Variants in SCARF1 observed in about 807,000 individuals in gnomAD.
SCARF1 encodes the protein acetyl LDL receptor.
In SCARF1, 49 loss-of-function variants were observed where a neutral mutation model predicts 76.3. The ratio of observed to expected loss-of-function variants is 0.64; its 90% CI spans 0.51 to 0.81. SCARF1 has a LOEUF of 0.81. Among genes scored for constraint, SCARF1 ranks in the 40% least tolerant of loss-of-function variants. SCARF1 has a pLI of 0.00. For synonymous variants in SCARF1, 495 were observed against 474.6 expected (o/e 1.04, Z -0.56); for missense variants, 1,098 against 1,143.9 (o/e 0.96, Z 0.58).
intron 7 of SCARF1, 113 bp downstream of exon 7, chr17:1,639,526 A>T: frequency 1.4e-6 from 1 of 701,168 alleles, no homozygotes; most frequent in Non-Finnish European, 2.4e-6. Context: ...AAAAAAAAAA[A>T]AGAATATCTC....
At chr17:1,641,482 T>C (rs1910043452) in intron 4 of SCARF1, among the ~76,000 whole-genome samples, 1 of 152,236 alleles carries the variant, frequency 6.6e-6, no homozygotes, top group Admixed American at 6.5e-5. Context: ...AAAAATTGTC[T>C]GCCATGAAAC....
chr17:1,636,909 A>G (rs780259795), intron 9 of SCARF1, 32 bp downstream of exon 9: 12 of 1,614,028 alleles, frequency 7.4e-6, no homozygotes, highest in African/African-American at 1.3e-5. Context: ...GCCCTGTCCA[A>G]TCCCAGACCC....
chr17:1,639,881 A>G (rs1909888335), intron 6 of SCARF1, 31 bp downstream of exon 6: 1 of 1,611,080 alleles, frequency 6.2e-7, no homozygotes, highest in East Asian at 2.2e-5. Context: ...GGCCCCTGGC[A>G]CTCTCCCGCC....
rs1567659274 is a variant in SCARF1 at position 1,634,191 on chromosome 17, A to T, written c.*567T>A. The T allele has an allele frequency of 6.5e-6, 1 of 154,342 alleles. No individual in the cohort carries two copies. 9.6% of individuals were successfully genotyped at this position (154,342 alleles called of 1,614,324 possible). ...ATCACGAGGTCAGGAGATCGAGACC[A>T]TCCTGGCTAACATGGTGAAACCCTG... On this transcript the variant is annotated 3_prime_UTR_variant, in exon 11 of 11. Transcript: ENST00000263071.
In SCARF1 at chr17:1,635,590, G is replaced by A. The variant is rs192116593; in HGVS notation, c.1661C>T (p.Ser554Leu). 1.9e-6 allele frequency: 3 copies of A among 1,604,316 alleles called. No homozygotes were observed. Among genetic ancestry groups the A allele is most frequent in the Admixed American group, 1.7e-5 (1 of 59,978 alleles). The change falls in exon 11 of 11, where the codon TCG (serine) becomes TTG (leucine). Residue 554 changes from serine to leucine, a missense_variant. By Grantham distance (145) the Ser-to-Leu change is moderately radical. Coordinates refer to ENST00000263071, the MANE Select transcript of SCARF1 (RefSeq NM_003693.4). ...ACCTGCAGCCAGGCTGGCCTCTGAC[G>A]ACCCTGCCTGGGCCACAGGGACCAT... Reference protein sequence around the residue: ...EGMVPVAQAGSSEASLAAGAF... With the variant: ...EGMVPVAQAGLSEASLAAGAF...
rs574011580 is a variant in SCARF1, at chr17:1,635,200, C to A, written c.2051G>T (p.Ser684Ile). 1.7e-5 allele frequency: 27 copies of A among 1,613,370 alleles called. No homozygotes were observed. In the East Asian group the frequency reaches 5.6e-4, roughly 33 times the overall value. Reference protein sequence around the residue: ...VEAIEGSVQESSGPVTTIYML... With the variant: ...VEAIEGSVQEISGPVTTIYML... ...GTAGATCGTGGTCACAGGGCCCGAG[C>A]TCTCCTGGACGCTGCCCTCAATGGC... is the stretch of plus-strand genomic sequence containing the variant. The change falls in exon 11 of 11, where the codon AGC (serine) becomes ATC (isoleucine). Residue 684 changes from serine (S) to isoleucine (I), a missense_variant. Physicochemically the swap from Ser to Ile is moderately radical, Grantham distance 142. Transcript: ENST00000263071.
In SCARF1 at chr17:1,645,004, G is replaced by T; in HGVS notation, c.164-69C>A. On this transcript the variant is annotated intron_variant, in intron 2 of 10. Coordinates refer to ENST00000263071, the MANE Select transcript of SCARF1 (RefSeq NM_003693.4). The surrounding 1 kb of genome is among the most constrained non-coding windows in gnomAD (Gnocchi z 6.3). ...AGGGGACACCCCTGCCCTCTCACTG[G>T]CTCCAGGGGCCATGCCTCCTCAAGA... The T allele has an allele frequency of 6.4e-7, 1 of 1,558,462 alleles. No individual in the cohort carries two copies. Among genetic ancestry groups the T allele is most frequent in the Non-Finnish European group, 8.8e-7 (1 of 1,141,238 alleles).
Position 1,635,153 on chromosome 17 carries a change from C to T in SCARF1, c.2098G>A (p.Gly700Arg), listed in dbSNP as rs1347425359. 1.2e-6 allele frequency: 2 copies of T among 1,613,410 alleles called. No homozygotes were observed. The highest frequency in any genetic ancestry group is 1.7e-6 in the Non-Finnish European group (2 of 1,180,040). Residue 700 changes from glycine (G) to arginine (R), a missense_variant, in exon 11 of 11, where the codon GGA becomes AGA. Gly to Arg is a moderately radical substitution (Grantham distance 125). Coordinates refer to ENST00000263071, the MANE Select transcript of SCARF1 (RefSeq NM_003693.4). ...TIYMLAGKPR[G>R]SEGPVRSVFR... ...ACAGAGCGGACAGGGCCTTCGGATC[C>T]GCGGGGCTTCCCTGCCAGCATGTAG...
intron 4 of SCARF1, among the ~76,000 whole-genome samples, chr17:1,641,266 A>G (rs2151098253): frequency 6.6e-6 from 1 of 152,198 alleles, no homozygotes; most frequent in South Asian, 2.1e-4. Flanking sequence ...TTCTCATAGG[A>G]GCGCCAGTCC....
chr17:1,634,393 A>C lies in SCARF1; in HGVS notation c.*365T>G. On this transcript the variant is annotated 3_prime_UTR_variant, in exon 11 of 11. Transcript: ENST00000263071. ...GACAGAGGGAGATTCTGTCTCAAAA[A>C]AAAAAAAAAAAATTTGTTTAGCCAA... 4 of 388,012 alleles carry C rather than the reference A, an allele frequency of 1.0e-5. No individual in the cohort carries two copies. The highest frequency in any genetic ancestry group is 8.3e-5 in the African/African-American group (4 of 48,446). The allele number at this position is 388,012 out of a possible 1,614,324, so 24.0% of individuals were successfully genotyped here.
chr17:1,635,205 C>CT lies in SCARF1; in HGVS notation c.2045dup (p.Glu683GlyfsTer32). 2.5e-6 allele frequency: 4 copies of CT among 1,613,350 alleles called. No homozygotes were observed. Among genetic ancestry groups the CT allele is most frequent in the Non-Finnish European group, 3.4e-6 (4 of 1,179,990 alleles). On this transcript the variant is annotated frameshift_variant, in exon 11 of 11. Transcript: ENST00000263071. LOFTEE classifies it low-confidence loss of function (END_TRUNC). ...TCGTGGTCACAGGGCCCGAGCTCTC[C>CT]TGGACGCTGCCCTCAATGGCTTCCA... is the stretch of plus-strand genomic sequence containing the variant.
rs937747468 is a variant in SCARF1 at position 1,645,720 on chromosome 17, CTCGGGTTCG to C, written c.-32_-24del. On this transcript the variant is annotated 5_prime_UTR_variant, in exon 1 of 11. Coordinates refer to ENST00000263071, the MANE Select transcript of SCARF1 (RefSeq NM_003693.4). This position sits in a 1 kb window ranked among gnomAD's most constrained non-coding sequence, Gnocchi z 6.3. ...CATGGCAGGCAGCTCGGTGGGAGCG[CTCGGGTTCG>C]TCTGGCCCCCACAGCTCCCAACCCC... The C allele has an allele frequency of 1.3e-6, 2 of 1,573,992 alleles. No homozygotes were observed. The highest frequency in any genetic ancestry group is 2.7e-5 in the African/African-American group (2 of 73,974).
At position 1,644,782 on chromosome 17, in the gene SCARF1, TG is replaced by T; in HGVS notation, c.265+51del. 6.5e-7 allele frequency: 1 copy of T among 1,544,046 alleles called. No individual in the cohort carries two copies. Among genetic ancestry groups the T allele is most frequent in the Non-Finnish European group, 8.8e-7 (1 of 1,134,174 alleles). ...CCTGCCTCGCCTGCTCCCACACCAC[TG>T]CCCCCGTACCCAGCTCTGCCCAGCA... On this transcript the variant is annotated intron_variant, in intron 3 of 10. Transcript: ENST00000263071. This position sits in a 1 kb window ranked among gnomAD's most constrained non-coding sequence, Gnocchi z 4.8.
chr17:1,634,618 G>T lies in SCARF1; in HGVS notation c.*140C>A. ...CTCCGGGAGCACTGCCAGGGGCCTG[G>T]GCCAACTGGCCTGGAAGCCTTGCCT... On this transcript the variant is annotated 3_prime_UTR_variant, in exon 11 of 11. Transcript: ENST00000263071. The T allele has an allele frequency of 8.1e-7, 1 of 1,241,974 alleles. No homozygotes were observed. The highest frequency in any genetic ancestry group is 2.5e-5 in the East Asian group (1 of 40,174). The allele number at this position is 1,241,974 out of a possible 1,614,324, so 76.9% of individuals were successfully genotyped here.
At chr17:1,639,855 A>G in intron 6 of SCARF1, 57 bp downstream of exon 6, 1 of 1,610,562 alleles carries the variant, frequency 6.2e-7, no homozygotes, top group Non-Finnish European at 8.5e-7. Context: ...GAAATGCTGC[A>G]CAGAGCCCTG....
rs1331153819 is a variant in SCARF1 at position 1,642,328 on chromosome 17, TC to T, written c.791+1113del. ...TAAGTATATCTGCCAATGCTATCCC[TC>T]CCCCCTCCCCCCACCCCACAACAGT... On this transcript the variant is annotated intron_variant, in intron 4 of 10. Coordinates refer to ENST00000263071, the MANE Select transcript of SCARF1 (RefSeq NM_003693.4). Among the ~76,000 whole-genome samples the T allele has an allele frequency of 3.9e-5, 3 of 77,448 alleles. No homozygotes were observed. In the East Asian group the frequency reaches 1.3e-3, roughly 35 times the overall value. 50.8% of individuals were successfully genotyped at this position (77,448 alleles called of 152,430 possible). A position where few individuals can be genotyped will look rare whatever the true frequency, so the allele number is the denominator to read the frequency against.
rs1281726580 is a variant in SCARF1, at chr17:1,645,615, T to A, written c.83A>T (p.His28Leu). 1.9e-6 allele frequency: 3 copies of A among 1,606,278 alleles called. No individual in the cohort carries two copies. The highest frequency in any genetic ancestry group is 2.5e-6 in the Non-Finnish European group (3 of 1,178,936). The stretch of plus-strand genomic sequence containing the variant: ...GACCCACCTGCTGGCCACACAGACG[T>A]GCTGCCCTTTGGGGTCCAGCTCGGA... ...QGSELDPKGQ[H>L]VCVASSPSAE... Residue 28 changes from histidine to leucine, a missense_variant, in exon 1 of 11, where the codon CAC becomes CTC. Physicochemically the swap from His to Leu is moderately conservative, Grantham distance 99. Coordinates refer to ENST00000263071, the MANE Select transcript of SCARF1 (RefSeq NM_003693.4). The surrounding 1 kb of genome is among the most constrained non-coding windows in gnomAD (Gnocchi z 6.3).
At position 1,643,767 on chromosome 17, in the gene SCARF1, A is replaced by G. The variant is rs1910297044; in HGVS notation, c.466T>C (p.Ser156Pro). The change falls in exon 4 of 11, where the codon TCG (serine) becomes CCG (proline). Residue 156 changes from serine (S) to proline (P), a missense_variant. Transcript: ENST00000263071. ...GVCHCEPGWWSSTCRRPCQCN... is the reference protein window; with the variant it reads ...GVCHCEPGWWPSTCRRPCQCN... ...TGGCACGGGCGGCGGCACGTGGACG[A>G]CCACCAGCCGGGTTCGCAGTGGCAC... 7.8e-7 allele frequency: 1 copy of G among 1,281,470 alleles called. No individual in the cohort carries two copies. The highest frequency in any genetic ancestry group is 9.8e-7 in the Non-Finnish European group (1 of 1,018,276). 79.4% of individuals were successfully genotyped at this position (1,281,470 alleles called of 1,614,324 possible).
chr17:1,645,259 C>T lies in SCARF1; in HGVS notation c.102-20G>A, dbSNP rs753557398. The stretch of plus-strand genomic sequence containing the variant: ...GAGGGGCTGTGGGGCAAAAAGGGGT[C>T]AGCCGGACATGGTGGGGGGTGCAGC... On this transcript the variant is annotated intron_variant, in intron 1 of 10. Transcript: ENST00000263071. The surrounding 1 kb of genome is among the most constrained non-coding windows in gnomAD (Gnocchi z 6.3). 2 of 1,612,130 alleles carry T rather than the reference C, an allele frequency of 1.2e-6. No individual in the cohort carries two copies. Among genetic ancestry groups the T allele is most frequent in the Admixed American group, 3.3e-5 (2 of 59,990 alleles).
Sources: allele counts gnomAD v4.1 joint callset (sites outside exome capture counted in the v4.1 genomes callset), GRCh38; gene constraint gnomAD v4.1.1; non-coding constraint Gnocchi (gnomAD v3.1); transcripts MANE v1.5; gene names NCBI Gene and HGNC (gene_info 2026-07-23, HGNC 2026-07-21).